The following HSFX4 variants were observed in gnomAD, a reference collection of about 807,000 sequenced individuals.
HSFX4 encodes heat shock transcription factor, X-linked member 4.
Under a neutral mutation model 5.2 loss-of-function variants are expected in HSFX4, and 1 was observed. The ratio of observed to expected loss-of-function variants is 0.19; its 90% confidence interval spans 0.07 to 0.91. HSFX4 has a LOEUF of 0.91. Ranked by LOEUF, HSFX4 falls within the 40% of genes least tolerant of loss-of-function variation. The pLI, the probability that HSFX4 is intolerant of heterozygous loss-of-function variation, is 0.66. For missense variants in HSFX4, 50 were observed against 178.0 expected, an observed-to-expected ratio of 0.28 and a Z score of 4.09; for synonymous variants, 24 against 68.9, an observed-to-expected ratio of 0.35 and a Z score of 3.23.
rs2090869344 is a variant in HSFX4 at position 149,931,250 on chromosome X, A to C, written c.*145A>C. The C allele has an allele frequency of 2.2e-6, 1 of 457,029 alleles. No homozygotes were observed. The highest frequency in any genetic ancestry group is 3.1e-6 in the Non-Finnish European group (1 of 319,148). The allele number at this position is 457,029 out of a possible 1,213,427, so 37.7% of individuals were successfully genotyped here. On this transcript the variant is annotated 3_prime_UTR_variant, in exon 2 of 2. Transcript: ENST00000457775. Reference sequence around the variant, plus strand: ...TTTGGTCTTAATAAAGAAAAACAAAATTCCATGGAAATAAATAATAAACAA... The same window carrying C: ...TTTGGTCTTAATAAAGAAAAACAAACTTCCATGGAAATAAATAATAAACAA...
chrX:149,930,178 T>A lies in HSFX4; in HGVS notation c.483+51T>A, dbSNP rs1603017609. ...CCCTTTTCTCTCTTTCTCAAACATATCTTCATAGGACACCAATTTGAATAA... is the reference window on the plus strand; with the variant it reads ...CCCTTTTCTCTCTTTCTCAAACATAACTTCATAGGACACCAATTTGAATAA... On this transcript the variant is annotated intron_variant, in intron 1 of 1. Transcript: ENST00000457775. 10 of 1,098,558 alleles carry A rather than the reference T, an allele frequency of 9.1e-6. No homozygotes were observed. The East Asian group carries it at 3.4e-4, about 37-fold the overall frequency. The allele number at this position is 1,098,558 out of a possible 1,213,427, so 90.5% of individuals were successfully genotyped here. A position where few individuals can be genotyped will look rare whatever the true frequency, so the allele number is the denominator to read the frequency against.
rs1343192134 is a variant in HSFX4 at position 149,930,040 on chromosome X, C to G, written c.396C>G (p.Asp132Glu). The G allele has an allele frequency of 3.9e-5, 45 of 1,156,535 alleles. 1 individual carries two copies. The highest frequency in any genetic ancestry group is 4.8e-5 in the Non-Finnish European group (42 of 870,704). ...GTGCAGAGAGGATCTTCAAAACAGA[C>G]AACTTGACGAGTTTCATTCGCCAGC... ...RKGAERIFKT[D>E]NLTSFIRQLN... The change falls in exon 1 of 2, where the codon GAC becomes GAG. Residue 132 changes from aspartate to glutamate, a missense_variant. Asp to Glu is a conservative substitution (Grantham distance 45). Transcript: ENST00000457775.
intron 1 of HSFX4, 98 bp from the exon 2 acceptor site, chrX:149,930,489 A>G (rs2124126691): frequency 3.7e-6 from 1 of 271,793 alleles, no homozygotes; most frequent in African/African-American, 3.0e-5. Flanking sequence ...TGCCACTTAA[A>G]GCATTCTTTT....
Position 149,931,217 on chromosome X carries a change from A to AAC in HSFX4, c.*116_*117dup. 1 of 813,980 alleles carries AAC rather than the reference A, an allele frequency of 1.2e-6. No homozygotes were observed. The highest frequency in any genetic ancestry group is 1.6e-6 in the Non-Finnish European group (1 of 643,905). The allele number at this position is 813,980 out of a possible 1,213,427, so 67.1% of individuals were successfully genotyped here. On this transcript the variant is annotated 3_prime_UTR_variant, in exon 2 of 2. Transcript: ENST00000457775. Reference sequence around the variant, plus strand: ...TAAAAGTTGCCATTTTCTAATGAGAAACACATTTTTGGTCTTAATAAAGAA... The same window carrying AAC: ...TAAAAGTTGCCATTTTCTAATGAGAAACACACATTTTTGGTCTTAATAAAGAA...
Position 149,931,110 on chromosome X carries a change from G to C in HSFX4, c.*5G>C. The C allele has an allele frequency of 1.1e-6, 1 of 937,267 alleles. No individual in the cohort carries two copies. The highest frequency in any genetic ancestry group is 1.3e-6 in the Non-Finnish European group (1 of 755,411). The allele number at this position is 937,267 out of a possible 1,213,427, so 77.2% of individuals were successfully genotyped here. A position where few individuals can be genotyped will look rare whatever the true frequency, so the allele number is the denominator to read the frequency against. ...TCTGACGATGAGGAGGAGTAGGAAG[G>C]CTCCTCAGATTACAAGTGTAGACTC... On this transcript the variant is annotated 3_prime_UTR_variant, in exon 2 of 2. Transcript: ENST00000457775.
Position 149,931,266 on chromosome X carries a change from TAATA to T in HSFX4, c.*164_*167del, listed in dbSNP as rs201419263. 0.023 allele frequency: 8,688 copies of T among 380,514 alleles called. 100 individuals carry two copies. Among genetic ancestry groups the T allele is most frequent in the Non-Finnish European group, 0.028 (6,963 of 249,372 alleles). 31.4% of individuals were successfully genotyped at this position (380,514 alleles called of 1,213,427 possible). A position where few individuals can be genotyped will look rare whatever the true frequency, so the allele number is the denominator to read the frequency against. On this transcript the variant is annotated 3_prime_UTR_variant, in exon 2 of 2. Transcript: ENST00000457775. Reference sequence around the variant, plus strand: ...AAAAACAAAATTCCATGGAAATAAATAATAAACAATTTAAATGAGAACTGTTGTC... The same window carrying T: ...AAAAACAAAATTCCATGGAAATAAATAACAATTTAAATGAGAACTGTTGTC...
At position 149,930,020 on chromosome X, in the gene HSFX4, G is replaced by A. The variant is rs1283642121; in HGVS notation, c.376G>A (p.Glu126Lys). Residue 126 changes from glutamate to lysine, a missense_variant, in exon 1 of 2, where the codon GAG (glutamate) becomes AAG (lysine). Around this residue, in one of 3 missense-constraint regions of HSFX4, gnomAD observed 31 missense variants for 111.4 expected, o/e 0.28. Transcript: ENST00000457775. ...GGAGGTTCTTCAACGGAAAGGTGCA[G>A]AGAGGATCTTCAAAACAGACAACTT... ...QREVLQRKGA[E>K]RIFKTDNLTS... The A allele has an allele frequency of 8.6e-7, 1 of 1,158,381 alleles. No individual in the cohort carries two copies. The highest frequency in any genetic ancestry group is 2.6e-5 in the Admixed American group (1 of 38,330).
Position 149,931,090 on chromosome X carries a change from CGAT to C in HSFX4, c.990_992del (p.Asp330del). 1.1e-6 allele frequency: 1 copy of C among 937,996 alleles called. No homozygotes were observed. The highest frequency in any genetic ancestry group is 1.3e-6 in the Non-Finnish European group (1 of 756,008). The allele number at this position is 937,996 out of a possible 1,213,427, so 77.3% of individuals were successfully genotyped here. ...TCATGTCTCCAAATGAGCCCTCTGA[CGAT>C]GAGGAGGAGTAGGAAGGCTCCTCAG... On this transcript the variant is annotated inframe_deletion, in exon 2 of 2. Transcript: ENST00000457775.
chrX:149,930,238 T>G lies in HSFX4; in HGVS notation c.483+111T>G, dbSNP rs781972012. On this transcript the variant is annotated intron_variant, in intron 1 of 1. Coordinates refer to ENST00000457775, the MANE Select transcript of HSFX4 (RefSeq NM_001351114.2). ...AGAGCTTAAGTGTCAAAGATAGCATTTGAAAATGTGAAATATTGTTTATTG... is the reference window on the plus strand; with the variant it reads ...AGAGCTTAAGTGTCAAAGATAGCATGTGAAAATGTGAAATATTGTTTATTG... The G allele has an allele frequency of 1.5e-4, 160 of 1,076,018 alleles. 1 individual carries two copies. The East Asian group carries it at 5.0e-3, about 34-fold the overall frequency. 88.7% of individuals were successfully genotyped at this position (1,076,018 alleles called of 1,213,427 possible). A position where few individuals can be genotyped will look rare whatever the true frequency, so the allele number is the denominator to read the frequency against.
chrX:149,930,323 T>C (rs1382869318), intron 1 of HSFX4, among the ~76,000 whole-genome samples, 196 bp downstream of exon 1: 1 of 111,789 alleles, frequency 8.9e-6, no homozygotes, highest in Non-Finnish European at 1.9e-5. Context: ...GCAACCCCCT[T>C]AGAGATAATG....
At position 149,930,698 on chromosome X, in the gene HSFX4, A is replaced by G; in HGVS notation, c.595A>G (p.Lys199Glu). The G allele has an allele frequency of 3.3e-6, 1 of 299,706 alleles. No individual in the cohort carries two copies. 24.7% of individuals were successfully genotyped at this position (299,706 alleles called of 1,213,427 possible). A position where few individuals can be genotyped will look rare whatever the true frequency, so the allele number is the denominator to read the frequency against. The part of the protein sequence containing the change: ...AQQATRVPTP[K>E]RKNLVATRRS... ...GCAAGCGACCCGTGTCCCAACTCCA[A>G]AGAGAAAGAATCTGGTAGCTACAAG... is the stretch of plus-strand genomic sequence containing the variant. The change falls in exon 2 of 2, where the codon AAG (lysine) becomes GAG (glutamate). Residue 199 changes from lysine (K) to glutamate (E), a missense_variant. Lys to Glu is a moderately conservative substitution (Grantham distance 56). Transcript: ENST00000457775.
At position 149,930,003 on chromosome X, in the gene HSFX4, T is replaced by G. The variant is rs2090855470; in HGVS notation, c.359T>G (p.Leu120Arg). 8.7e-7 allele frequency: 1 copy of G among 1,145,835 alleles called. No homozygotes were observed. Among genetic ancestry groups the G allele is most frequent in the Non-Finnish European group, 1.2e-6 (1 of 866,223 alleles). 94.4% of individuals were successfully genotyped at this position (1,145,835 alleles called of 1,213,427 possible). A position where few individuals can be genotyped will look rare whatever the true frequency, so the allele number is the denominator to read the frequency against. ...AAGGATCTCTTCCAGAGGGAGGTTC[T>G]TCAACGGAAAGGTGCAGAGAGGATC... ...IDKDLFQREV[L>R]QRKGAERIFK... The change falls in exon 1 of 2, where the codon CTT becomes CGT. Residue 120 changes from leucine to arginine, a missense_variant. Leu to Arg is a moderately radical substitution (Grantham distance 102). Around this residue, in one of 3 missense-constraint regions of HSFX4, gnomAD observed 31 missense variants for 111.4 expected, o/e 0.28. Coordinates refer to ENST00000457775, the MANE Select transcript of HSFX4 (RefSeq NM_001351114.2).
chrX:149,930,907 A>G lies in HSFX4; in HGVS notation c.804A>G (p.Pro268=). Residue 268 remains proline (P), a synonymous_variant, in exon 2 of 2, where the codon CCA becomes CCG. Transcript: ENST00000457775. Reference sequence around the variant, plus strand: ...GGCCCCCTCAGGAACCAAATGGCCCAAGTTGGGAGGGCACCTCTGGGAATG... The same window carrying G: ...GGCCCCCTCAGGAACCAAATGGCCCGAGTTGGGAGGGCACCTCTGGGAATG... ...GNGPPQEPNG[P]SWEGTSGNVT... is the part of the protein sequence containing the mutation. 1.1e-6 allele frequency: 1 copy of G among 904,302 alleles called. No homozygotes were observed. Among genetic ancestry groups the G allele is most frequent in the Non-Finnish European group, 1.4e-6 (1 of 735,367 alleles). The allele number at this position is 904,302 out of a possible 1,213,427, so 74.5% of individuals were successfully genotyped here.
rs1361661395 is a variant in HSFX4, at chrX:149,931,236, T to C, written c.*131T>C. 22 of 602,572 alleles carry C rather than the reference T, an allele frequency of 3.7e-5. No individual in the cohort carries two copies. In the South Asian group the frequency reaches 2.0e-3, roughly 55 times the overall value. 49.7% of individuals were successfully genotyped at this position (602,572 alleles called of 1,213,427 possible). On this transcript the variant is annotated 3_prime_UTR_variant, in exon 2 of 2. Coordinates refer to ENST00000457775, the MANE Select transcript of HSFX4 (RefSeq NM_001351114.2). Reference sequence around the variant, plus strand: ...ATGAGAAACACATTTTTGGTCTTAATAAAGAAAAACAAAATTCCATGGAAA... The same window carrying C: ...ATGAGAAACACATTTTTGGTCTTAACAAAGAAAAACAAAATTCCATGGAAA...
chrX:149,931,172 C>T lies in HSFX4; in HGVS notation c.*67C>T. ...CAGACACACTGCAAATTCGTGAACT[C>T]ACAGGCCACTAATGGCCCATAAAAG... On this transcript the variant is annotated 3_prime_UTR_variant, in exon 2 of 2. Transcript: ENST00000457775. 1 of 930,604 alleles carries T rather than the reference C, an allele frequency of 1.1e-6. No individual in the cohort carries two copies. Among genetic ancestry groups the T allele is most frequent in the African/African-American group, 2.0e-5 (1 of 49,043 alleles). The allele number at this position is 930,604 out of a possible 1,213,427, so 76.7% of individuals were successfully genotyped here.
At chrX:149,930,212 A>T in intron 1 of HSFX4, 85 bp downstream of exon 1, 1 of 1,094,033 alleles carries the variant, frequency 9.1e-7, no homozygotes, top group Non-Finnish European at 1.2e-6. Context: ...AATATACTGT[A>T]AGAGCTTAAG....
intron 1 of HSFX4, 145 bp downstream of exon 1, chrX:149,930,272 A>G: frequency 9.9e-7 from 1 of 1,012,808 alleles, no homozygotes; most frequent in Non-Finnish European, 1.3e-6. Flanking sequence ...TGAAAGATGA[A>G]AAGTATAGAA....
In HSFX4 at chrX:149,931,220, A is replaced by G; in HGVS notation, c.*115A>G. 1 of 781,997 alleles carries G rather than the reference A, an allele frequency of 1.3e-6. No individual in the cohort carries two copies. Among genetic ancestry groups the G allele is most frequent in the Non-Finnish European group, 1.6e-6 (1 of 614,662 alleles). 64.4% of individuals were successfully genotyped at this position (781,997 alleles called of 1,213,427 possible). On this transcript the variant is annotated 3_prime_UTR_variant, in exon 2 of 2. Coordinates refer to ENST00000457775, the MANE Select transcript of HSFX4 (RefSeq NM_001351114.2). ...AAGTTGCCATTTTCTAATGAGAAAC[A>G]CATTTTTGGTCTTAATAAAGAAAAA...
rs1299563121 is a variant in HSFX4, at chrX:149,931,151, C to A, written c.*46C>A. On this transcript the variant is annotated 3_prime_UTR_variant, in exon 2 of 2. Coordinates refer to ENST00000457775, the MANE Select transcript of HSFX4 (RefSeq NM_001351114.2). ...GTGTAGACTCTGTGAACAGTTCAGA[C>A]ACACTGCAAATTCGTGAACTCACAG... is the stretch of plus-strand genomic sequence containing the variant. 130 of 935,072 alleles carry A rather than the reference C, an allele frequency of 1.4e-4. 1 individual carries two copies. The highest frequency in any genetic ancestry group is 4.4e-4 in the Middle Eastern group (1 of 2,256). The allele number at this position is 935,072 out of a possible 1,213,427, so 77.1% of individuals were successfully genotyped here.
Sources: allele counts gnomAD v4.1 joint callset (sites outside exome capture counted in the v4.1 genomes callset), GRCh38; gene constraint gnomAD v4.1.1; regional missense constraint gnomAD v4.1.1; transcripts MANE v1.5; gene names NCBI Gene and HGNC (gene_info 2026-07-23, HGNC 2026-07-21).